The following MTMR8 variants were observed in gnomAD, a reference collection of about 807,000 sequenced individuals.
The protein encoded by MTMR8 is myotubularin related protein 8, also known as phosphatidylinositol-3,5-bisphosphate 3-phosphatase MTMR8.
MTMR8 carries 65 observed loss-of-function variants against 39.3 expected under a neutral mutation model. That is an observed-to-expected ratio of 1.65 (90% CI 1.35 to 2.03). The LOEUF (loss-of-function observed/expected upper bound fraction) is 2.03, where lower values mean the gene tolerates loss of function less well. MTMR8 is among the 30% of genes most tolerant of loss of function. MTMR8 has a pLI of 0.00. For missense variants in MTMR8, 777 were observed against 538.9 expected, an observed-to-expected ratio of 1.44 and a Z score of -4.37; for synonymous variants, 245 against 185.2, an observed-to-expected ratio of 1.32 and a Z score of -2.62.
intron 13 of MTMR8, among the ~76,000 whole-genome samples, chrX:64,270,082 T>C (rs1445067378): frequency 9.1e-6 from 1 of 109,381 alleles, no homozygotes; most frequent in Non-Finnish European, 1.9e-5. Context: ...CTACATCTAA[T>C]CTACTTAGGA....
chrX:64,299,515 C>T (rs1229364406), intron 12 of MTMR8, among the ~76,000 whole-genome samples: 1 of 95,272 alleles, frequency 1.0e-5, no homozygotes, highest in East Asian at 3.4e-4. Flanking sequence ...TTTTGTTGAT[C>T]CTTTCAAAAA....
intron 12 of MTMR8, among the ~76,000 whole-genome samples, chrX:64,326,248 T>A (rs1053297875): frequency 9.0e-6 from 1 of 111,224 alleles, no homozygotes; most frequent in Non-Finnish European, 1.9e-5. Context: ...AAAATCCACA[T>A]ATAAATGGAC....
At chrX:64,359,570 C>T (rs181272666) in intron 1 of MTMR8, 43 bp from the exon 2 acceptor site, 1 of 1,155,162 alleles carries the variant, frequency 8.7e-7, no homozygotes, top group Non-Finnish European at 1.2e-6. Context: ...ACCAACTCAC[C>T]ACCTATGATT....
chrX:64,307,361 A>G (rs772282967), intron 12 of MTMR8, among the ~76,000 whole-genome samples: 3 of 112,199 alleles, frequency 2.7e-5, no homozygotes, highest in East Asian at 5.6e-4. Flanking sequence ...AGCATTTTAC[A>G]TTTAAATTTA....
chrX:64,269,140 T>G (rs1397132041), intron 13 of MTMR8, 97 bp from the exon 14 acceptor site: 3 of 903,773 alleles, frequency 3.3e-6, no homozygotes, highest in Admixed American at 6.0e-5. Context: ...TGCTGTCACT[T>G]ATAATGGTAG....
chrX:64,383,424 T>A lies in MTMR8; in HGVS notation c.24+11916A>T, dbSNP rs374324499. Among the ~76,000 whole-genome samples the A allele has an allele frequency of 4.6e-5, 5 of 109,031 alleles. No individual in the cohort carries two copies. In the East Asian group the frequency reaches 1.1e-3, roughly 25 times the overall value. The allele number at this position is 109,031 out of a possible 115,157, so 94.7% of individuals were successfully genotyped here. On this transcript the variant is annotated intron_variant, in intron 1 of 13. Coordinates refer to ENST00000374852, the MANE Select transcript of MTMR8 (RefSeq NM_017677.4). ...AACCAAAAATTATATATATGATATATAAAACCAAAATCAGAAATTATGTAT... is the reference window on the plus strand; with the variant it reads ...AACCAAAAATTATATATATGATATAAAAAACCAAAATCAGAAATTATGTAT...
intron 8 of MTMR8, among the ~76,000 whole-genome samples, chrX:64,340,712 G>A (rs914887384): frequency 8.9e-6 from 1 of 111,864 alleles, no homozygotes; most frequent in Non-Finnish European, 1.9e-5. Flanking sequence ...AGAACATGAC[G>A]GCAGCAACCA....
intron 12 of MTMR8, among the ~76,000 whole-genome samples, chrX:64,281,935 A>T (rs1206833540): frequency 9.0e-6 from 1 of 111,297 alleles, no homozygotes; most frequent in African/African-American, 3.3e-5. Flanking sequence ...CAAAAAAAAA[A>T]AAAAGATATT....
intron 11 of MTMR8, chrX:64,331,295 C>T: frequency 5.7e-6 from 2 of 352,865 alleles, no homozygotes; most frequent in East Asian, 1.0e-4. Context: ...TTTGCAAAGG[C>T]CTTGTACATC....
intron 12 of MTMR8, among the ~76,000 whole-genome samples, chrX:64,303,424 T>C (rs1233047502): frequency 1.8e-5 from 2 of 112,420 alleles, no homozygotes; most frequent in Non-Finnish European, 3.8e-5. Flanking sequence ...CAGAGTTATG[T>C]TCACAAAACA....
chrX:64,339,221 C>A (rs1211273877), intron 8 of MTMR8, among the ~76,000 whole-genome samples: 1 of 110,592 alleles, frequency 9.0e-6, no homozygotes, highest in Non-Finnish European at 1.9e-5. Context: ...AAGCAGTGAC[C>A]CTTAAAGGGC....
intron 12 of MTMR8, among the ~76,000 whole-genome samples, chrX:64,284,885 G>C (rs1433236990): frequency 4.5e-5 from 5 of 112,158 alleles, no homozygotes; most frequent in African/African-American, 1.6e-4. Flanking sequence ...AAATCGTAAA[G>C]ACCATCGAAG....
At chrX:64,380,845 T>C (rs1924395802) in intron 1 of MTMR8, among the ~76,000 whole-genome samples, 1 of 111,564 alleles carries the variant, frequency 9.0e-6, no homozygotes, top group Non-Finnish European at 1.9e-5. Flanking sequence ...ACATGCGGTG[T>C]TTGGTTTTTT....
At chrX:64,367,349 C>A (rs892068168) in intron 1 of MTMR8, among the ~76,000 whole-genome samples, 4 of 111,607 alleles carry the variant, frequency 3.6e-5, no homozygotes, top group East Asian at 2.8e-4. Context: ...ACATCGATGC[C>A]AAAATCCTCA....
chrX:64,326,947 G>C (rs1298639694), intron 12 of MTMR8, among the ~76,000 whole-genome samples: 2 of 110,548 alleles, frequency 1.8e-5, no homozygotes, highest in Non-Finnish European at 3.8e-5. Flanking sequence ...ACAATCTTCA[G>C]TAAATGGTGC....
chrX:64,301,939 G>C (rs1401413672), intron 12 of MTMR8, among the ~76,000 whole-genome samples: 2 of 112,020 alleles, frequency 1.8e-5, no homozygotes, highest in African/African-American at 6.5e-5. Flanking sequence ...ATCTCCAGCT[G>C]CGTGCTGGGA....
chrX:64,346,888 A>T (rs766685014), intron 6 of MTMR8, among the ~76,000 whole-genome samples: 1 of 111,382 alleles, frequency 9.0e-6, no homozygotes, highest in South Asian at 3.8e-4. Context: ...TGTCAGATGT[A>T]ATATTTATTG....
intron 11 of MTMR8, 82 bp from the exon 12 acceptor site, chrX:64,328,982 A>G: frequency 5.3e-6 from 5 of 935,117 alleles, no homozygotes; most frequent in Non-Finnish European, 7.1e-6. Flanking sequence ...GATAAGCAGC[A>G]AATTTTACTA....
At chrX:64,277,785 G>A (rs1486242775) in intron 12 of MTMR8, among the ~76,000 whole-genome samples, 2 of 111,217 alleles carry the variant, frequency 1.8e-5, no homozygotes, top group Non-Finnish European at 3.8e-5. Context: ...TGTCTTGCTA[G>A]GTTGGGGAAG....
Sources: gnomAD v4.1 joint callset for allele counts (sites outside exome capture counted in the v4.1 genomes callset) on GRCh38, gnomAD v4.1.1 for gene constraint, MANE v1.5 for transcripts, NCBI Gene and HGNC (gene_info 2026-07-23, HGNC 2026-07-21) for gene names.